LYRM4: variants seen among roughly 807,000 people sequenced by gnomAD.
LYRM4 encodes LYR motif-containing protein 4.
LYRM4 carries 9 observed loss-of-function variants against 11.7 expected under a neutral mutation model. The ratio of observed to expected loss-of-function variants is 0.77; its 90% CI spans 0.46 to 1.34. The LOEUF (loss-of-function observed/expected upper bound fraction) is 1.34. LYRM4 is among the 40% of genes most tolerant of loss of function. The pLI is 0.00. For missense variants in LYRM4, 133 were observed against 112.5 expected (o/e 1.18, Z -0.82); for synonymous variants, 42 against 40.4 (o/e 1.04, Z -0.15).
the LYRM4 span, among the ~76,000 whole-genome samples, chr6:5,047,633 C>T: frequency 6.6e-6 from 1 of 152,170 alleles, no homozygotes; most frequent in Non-Finnish European, 1.5e-5. Flanking sequence ...TCTAAACTCT[C>T]ATACAATAAG....
chr6:5,094,532 G>A, the LYRM4 span, among the ~76,000 whole-genome samples: 2 of 152,178 alleles, frequency 1.3e-5, no homozygotes, highest in African/African-American at 4.8e-5. Context: ...CTTGAGCAAC[G>A]TGCCTGGTGG....
chr6:5,085,333 T>A, the LYRM4 span: 7 of 579,620 alleles, frequency 1.2e-5, no homozygotes, highest in Non-Finnish European at 1.8e-5. Context: ...GGCTCCAAAG[T>A]GGAACTACGT....
At chr6:5,205,678 A>G (rs1761656430) in intron 2 of LYRM4, among the ~76,000 whole-genome samples, 1 of 152,254 alleles carries the variant, frequency 6.6e-6, no homozygotes, top group African/African-American at 2.4e-5. Context: ...CAAAACACTA[A>G]GTTTGGCTCT....
chr6:5,224,016 C>G (rs1273348638), intron 1 of LYRM4, among the ~76,000 whole-genome samples: 1 of 152,180 alleles, frequency 6.6e-6, no homozygotes, highest in African/African-American at 2.4e-5. Context: ...CAAGGACCAC[C>G]AACTCCGGCC....
At chr6:5,101,972 T>TTTTTTTTTTTTTTTTTTTTTTTTTC (rs1762517902), downstream of LYRM4, among the ~76,000 whole-genome samples, 2 of 135,320 alleles carry the variant, frequency 1.5e-5, 1 homozygote, top group Non-Finnish European at 3.2e-5. Flanking sequence ...TGCTTTCTTT[T>TTTTTTTTTTTTTTTTTTTTTTTTTC]TTTTTTTTTT....
At chr6:5,144,651 A>T (rs797022276) in intron 2 of LYRM4, among the ~76,000 whole-genome samples, 1 of 150,184 alleles carries the variant, frequency 6.7e-6, no homozygotes, top group Admixed American at 6.6e-5. Context: ...AAAAAAAAAA[A>T]AAAAGAAATA....
the LYRM4 span, chr6:5,085,418 C>A: frequency 4.2e-6 from 5 of 1,199,194 alleles, no homozygotes; most frequent in Non-Finnish European, 5.8e-6. Flanking sequence ...CTTCCACGGC[C>A]CGAGGAGTTA....
At chr6:5,145,739 T>C (rs1448064290) in intron 2 of LYRM4, among the ~76,000 whole-genome samples, 1 of 152,230 alleles carries the variant, frequency 6.6e-6, no homozygotes, top group African/African-American at 2.4e-5. Context: ...ATGTCTTTAA[T>C]ATACGCCCAC....
intron 2 of LYRM4, among the ~76,000 whole-genome samples, chr6:5,184,854 A>G (rs1463844842): frequency 6.6e-6 from 1 of 152,198 alleles, no homozygotes; most frequent in Non-Finnish European, 1.5e-5. Context: ...CAGCAGAGAA[A>G]AGAGGGAGCA....
At chr6:5,251,937 T>A (rs190369144) in intron 1 of LYRM4, among the ~76,000 whole-genome samples, 1 of 152,294 alleles carries the variant, frequency 6.6e-6, no homozygotes, top group East Asian at 1.9e-4. Context: ...GGTAATATAT[T>A]AAAGAGTTCC....
intron 2 of LYRM4, among the ~76,000 whole-genome samples, chr6:5,168,437 C>T (rs183648579): frequency 6.6e-6 from 1 of 152,312 alleles, no homozygotes; most frequent in African/African-American, 2.4e-5. Context: ...ATCATGCATG[C>T]AGTATTCTTG....
chr6:5,039,389 A>T, the LYRM4 span, among the ~76,000 whole-genome samples: 2 of 152,208 alleles, frequency 1.3e-5, no homozygotes, highest in Admixed American at 6.5e-5. Flanking sequence ...ATGAAAGTTA[A>T]ATAGTATGTG....
intron 2 of LYRM4, among the ~76,000 whole-genome samples, chr6:5,126,704 T>C (rs1581329460): frequency 6.6e-6 from 1 of 152,198 alleles, no homozygotes; most frequent in South Asian, 2.1e-4. Context: ...GAAAATATTA[T>C]GCTAAGTGAT....
At chr6:5,141,407 C>T (rs937952551) in intron 2 of LYRM4, among the ~76,000 whole-genome samples, 24 of 152,188 alleles carry the variant, frequency 1.6e-4, no homozygotes, top group Non-Finnish European at 2.6e-4. Context: ...GCTGCAAAAG[C>T]CACTCAAGCT....
intron 2 of LYRM4, among the ~76,000 whole-genome samples, chr6:5,125,979 A>G (rs1763683076): frequency 6.6e-6 from 1 of 152,152 alleles, no homozygotes; most frequent in Non-Finnish European, 1.5e-5. Context: ...GTGGGACAAG[A>G]CCTTCCTTCT....
chr6:5,173,244 A>G (rs1408382491), intron 2 of LYRM4, among the ~76,000 whole-genome samples: 1 of 152,208 alleles, frequency 6.6e-6, no homozygotes, highest in Non-Finnish European at 1.5e-5. Context: ...GTGCCATTAC[A>G]TGTTTGTTAA....
chr6:5,201,142 T>C (rs1761368280), intron 2 of LYRM4, among the ~76,000 whole-genome samples: 1 of 152,166 alleles, frequency 6.6e-6, no homozygotes, highest in African/African-American at 2.4e-5. Context: ...TTAAAGTATC[T>C]GAGGAGAGTA....
the LYRM4 span, among the ~76,000 whole-genome samples, chr6:5,039,609 G>A: frequency 6.6e-6 from 1 of 152,108 alleles, no homozygotes; most frequent in Admixed American, 6.5e-5. Flanking sequence ...CTGATATTTT[G>A]TAATCCTGCT....
intron 2 of LYRM4, among the ~76,000 whole-genome samples, chr6:5,156,766 G>A (rs1446168519): frequency 5.9e-5 from 9 of 152,178 alleles, no homozygotes; most frequent in Admixed American, 5.9e-4. Context: ...CTTCAGGGAG[G>A]GGTGGTGACG....
Sources: gnomAD v4.1 joint callset for allele counts (sites outside exome capture counted in the v4.1 genomes callset) on GRCh38, gnomAD v4.1.1 for gene constraint, MANE v1.5 for transcripts, NCBI Gene and HGNC (gene_info 2026-07-23, HGNC 2026-07-21) for gene names.